The following TTC3 variants were observed in gnomAD, a reference collection of about 807,000 sequenced individuals.
The protein encoded by TTC3 is tetratricopeptide repeat domain 3.
In TTC3, 180 loss-of-function variants were observed where a neutral mutation model predicts 249.6. That is an observed-to-expected ratio of 0.72 (90% CI 0.64 to 0.82). TTC3 has a LOEUF of 0.82. Ranked by LOEUF, TTC3 falls within the 40% of genes least tolerant of loss-of-function variation. TTC3 has a pLI of 0.00. For synonymous variants in TTC3, 717 were observed against 805.0 expected (o/e 0.89, Z 1.85); for missense variants, 2,061 against 2,398.4 (o/e 0.86, Z 2.94).
At chr21:37,181,472 TAAGTA>T (rs2082753377) in intron 35 of TTC3, among the ~76,000 whole-genome samples, 1 of 152,240 alleles carries the variant, frequency 6.6e-6, no homozygotes, top group Non-Finnish European at 1.5e-5. Context: ...ACAGGATTCT[TAAGTA>T]GAGTAGGCAT....
At chr21:37,143,525 A>G (rs1191741406) in intron 20 of TTC3, among the ~76,000 whole-genome samples, 1 of 152,008 alleles carries the variant, frequency 6.6e-6, no homozygotes, top group Non-Finnish European at 1.5e-5. Flanking sequence ...GAGAAATGCA[A>G]ATCAAAACCA....
chr21:37,170,459 G>A (rs55740803), intron 34 of TTC3, among the ~76,000 whole-genome samples: 80,434 of 151,648 alleles, frequency 0.53, 21,906 homozygotes, highest in African/African-American at 0.64. Flanking sequence ...AGGCAGTTAG[G>A]AATCGATCTG....
intron 35 of TTC3, among the ~76,000 whole-genome samples, chr21:37,180,559 A>G (rs894548063): frequency 3.0e-5 from 4 of 131,182 alleles, no homozygotes; most frequent in South Asian, 2.5e-4. Flanking sequence ...GAATTGAACA[A>G]TGAGATCACA....
chr21:37,167,452 C>T (rs997484559), intron 33 of TTC3, 103 bp from the exon 34 acceptor site: 5 of 779,062 alleles, frequency 6.4e-6, no homozygotes, highest in Non-Finnish European at 1.0e-5. Flanking sequence ...GGAAAAAAAA[C>T]TTGAAAAAAT....
intron 31 of TTC3, 56 bp from the exon 32 acceptor site, chr21:37,163,995 A>G: frequency 1.3e-6 from 2 of 1,540,102 alleles, no homozygotes; most frequent in Non-Finnish European, 1.8e-6. Context: ...TGGTTAAATA[A>G]TAAACCAAAG....
Position 37,159,653 on chromosome 21 carries a change from T to G in TTC3, c.2993-46T>G, listed in dbSNP as rs746901009. The G allele has an allele frequency of 1.8e-5, 28 of 1,583,764 alleles. No individual in the cohort carries two copies. The South Asian group carries it at 3.1e-4, about 18-fold the overall frequency. ...AAGGCTTTAGTGTACTATATGGAAA[T>G]GTAAATATTTAGTTTTCTCACAAAA... On this transcript the variant is annotated intron_variant, in intron 28 of 45. Transcript: ENST00000355666.
chr21:37,180,410 C>A (rs1467585347), intron 35 of TTC3, among the ~76,000 whole-genome samples: 1 of 150,928 alleles, frequency 6.6e-6, no homozygotes, highest in African/African-American at 2.4e-5. Flanking sequence ...TTTTTTTACA[C>A]CATGGAATAC....
chr21:37,083,342 C>G (rs2071966013), intron 1 of TTC3: 3 of 985,256 alleles, frequency 3.0e-6, no homozygotes, highest in Non-Finnish European at 3.6e-6. Flanking sequence ...ACTTTATTCT[C>G]AAGCTGAAGG....
At chr21:37,147,352 T>C (rs534326121) in intron 21 of TTC3, 129 bp from the exon 22 acceptor site, 2 of 775,692 alleles carry the variant, frequency 2.6e-6, no homozygotes, top group Admixed American at 7.7e-5. Context: ...ATGTAGTTTG[T>C]TGTTGGTGAA....
intron 12 of TTC3, among the ~76,000 whole-genome samples, chr21:37,122,276 A>G (rs1445351184): frequency 6.6e-6 from 1 of 151,746 alleles, no homozygotes; most frequent in Admixed American, 6.6e-5. Context: ...AATAAAATAA[A>G]AGCTTTTTTG....
exon 4 of TTC3, chr21:37,088,282 C>A: frequency 6.2e-7 from 1 of 1,613,500 alleles, no homozygotes; most frequent in Non-Finnish European, 8.5e-7. Context: ...CATCTTCTGG[C>A]CACTTCTGTT....
intron 16 of TTC3, 100 bp downstream of exon 16, chr21:37,129,163 T>C: frequency 1.7e-6 from 1 of 594,096 alleles, no homozygotes; most frequent in Admixed American, 3.8e-5. Context: ...CTTTAATGTA[T>C]GTATTATGAT....
At chr21:37,112,067 A>G (rs1420312134) in intron 11 of TTC3, among the ~76,000 whole-genome samples, 3 of 152,280 alleles carry the variant, frequency 2.0e-5, no homozygotes, top group South Asian at 2.1e-4. Context: ...AGGGAAATTT[A>G]TAGCACTAAA....
chr21:37,135,523 G>T lies in TTC3; in HGVS notation c.1578+9G>T, dbSNP rs771202970. 2.7e-5 allele frequency: 44 copies of T among 1,610,476 alleles called. No homozygotes were observed. Among genetic ancestry groups the T allele is most frequent in the Non-Finnish European group, 3.6e-5 (42 of 1,178,180 alleles). On this transcript the variant is annotated intron_variant, in intron 18 of 45. Coordinates refer to ENST00000355666, the Ensembl canonical transcript of TTC3. ...ATCCTCAAAAAATAAAGGTAAATTT[G>T]CCATATCATAACTTGTTTATCAATG... is the stretch of plus-strand genomic sequence containing the variant.
intron 35 of TTC3, among the ~76,000 whole-genome samples, chr21:37,173,268 C>T (rs569127951): frequency 2.6e-5 from 4 of 152,144 alleles, no homozygotes; most frequent in Non-Finnish European, 4.4e-5. Flanking sequence ...AAAACTGCCT[C>T]GTTAGTAAGG....
chr21:37,165,692 C>T (rs764592512), exon 33 of TTC3: 7 of 1,613,680 alleles, frequency 4.3e-6, no homozygotes, highest in Non-Finnish European at 4.2e-6. Context: ...CTTGGGATGC[C>T]CTCGTTTTGT....
chr21:37,108,180 A>G, intron 10 of TTC3: 1 of 467,494 alleles, frequency 2.1e-6, no homozygotes, highest in Admixed American at 3.9e-5. Flanking sequence ...GGTAGTTGTG[A>G]TTGTGACTCT....
intron 41 of TTC3, among the ~76,000 whole-genome samples, chr21:37,193,254 C>T (rs757616951): frequency 5.3e-5 from 8 of 152,104 alleles, no homozygotes; most frequent in African/African-American, 1.9e-4. Context: ...CTCTTTTGGC[C>T]TCCCACTGTG....
chr21:37,089,068 G>A (rs887692782), intron 5 of TTC3, among the ~76,000 whole-genome samples, 182 bp downstream of exon 5: 1 of 152,212 alleles, frequency 6.6e-6, no homozygotes, highest in Non-Finnish European at 1.5e-5. Context: ...CAGGGAGATG[G>A]CTGATGTCAT....
Sources: allele counts gnomAD v4.1 joint callset (sites outside exome capture counted in the v4.1 genomes callset), GRCh38; gene constraint gnomAD v4.1.1; transcripts MANE v1.5; gene names NCBI Gene and HGNC (gene_info 2026-07-23, HGNC 2026-07-21).